The following TSPAN15 variants were observed in gnomAD, a reference collection of about 807,000 sequenced individuals.
The protein encoded by TSPAN15 is tetraspanin-15.
A neutral mutation model predicts 34.5 loss-of-function variants in TSPAN15; 20 were observed. The observed-to-expected ratio is 0.58, with a 90% CI of 0.41 to 0.84. TSPAN15 has a LOEUF of 0.84. TSPAN15 is among the 40% of genes least tolerant of loss of function. The probability of loss-of-function intolerance (pLI) is 0.00; values close to 1 mark genes in which losing one functional copy is unlikely to be tolerated. For missense variants in TSPAN15, 313 were observed against 386.1 expected (o/e 0.81, Z 1.59); for synonymous variants, 155 against 153.9 (o/e 1.01, Z -0.05).
rs1160405365 is a variant in TSPAN15 at position 69,505,997 on chromosome 10, A to T, written c.619-127A>T. On this transcript the variant is annotated intron_variant, in intron 6 of 7. Coordinates refer to ENST00000373290, the MANE Select transcript of TSPAN15 (RefSeq NM_012339.5). The stretch of plus-strand genomic sequence containing the variant: ...ATCTAGGGTCACCTTCTCATGCTGC[A>T]TATGGGAAACTGAGGATCACAGCGG... 6 of 700,908 alleles carry T rather than the reference A, an allele frequency of 8.6e-6. No homozygotes were observed. The African/African-American group carries it at 1.1e-4, about 12-fold the overall frequency. The allele number at this position is 700,908 out of a possible 1,614,324, so 43.4% of individuals were successfully genotyped here. A position where few individuals can be genotyped will look rare whatever the true frequency, so the allele number is the denominator to read the frequency against.
intron 1 of TSPAN15, among the ~76,000 whole-genome samples, chr10:69,462,243 C>T (rs1361677904): frequency 2.0e-5 from 3 of 146,368 alleles, no homozygotes; most frequent in Middle Eastern, 3.8e-3. Flanking sequence ...TTAAGTGATC[C>T]ACCTGCTTCC....
At chr10:69,471,454 C>T (rs983497089) in intron 1 of TSPAN15, among the ~76,000 whole-genome samples, 1 of 152,146 alleles carries the variant, frequency 6.6e-6, no homozygotes, top group Non-Finnish European at 1.5e-5. Context: ...ACATGCAGAG[C>T]CCACGCCACT....
the TSPAN15 span, among the ~76,000 whole-genome samples, chr10:69,514,691 G>A: frequency 6.6e-6 from 1 of 152,094 alleles, no homozygotes; most frequent in Non-Finnish European, 1.5e-5. Context: ...CTTATTCCTG[G>A]ATATTGACAA....
intron 1 of TSPAN15, among the ~76,000 whole-genome samples, chr10:69,455,626 C>CTCTCT (rs1491105874): frequency 8.9e-5 from 4 of 45,094 alleles, no homozygotes; most frequent in African/African-American, 3.3e-4. Context: ...CTCTCTCTCT[C>CTCTCT]CCCCCCCCGT....
intron 3 of TSPAN15, among the ~76,000 whole-genome samples, chr10:69,493,368 C>G (rs1163762490): frequency 6.6e-6 from 1 of 152,170 alleles, no homozygotes; most frequent in African/African-American, 2.4e-5. Context: ...TTGGGGCTGA[C>G]TCCAGTCTTC....
the TSPAN15 span, among the ~76,000 whole-genome samples, chr10:69,536,712 T>C: frequency 6.6e-6 from 1 of 152,096 alleles, no homozygotes; most frequent in Admixed American, 6.6e-5. Context: ...TGGTCGGGCA[T>C]GGTGGCTCGT....
At position 69,507,264 on chromosome 10, in the gene TSPAN15, G is replaced by T; in HGVS notation, c.*286G>T. 3 of 1,337,712 alleles carry T rather than the reference G, an allele frequency of 2.2e-6. No homozygotes were observed. The highest frequency in any genetic ancestry group is 2.9e-6 in the Non-Finnish European group (3 of 1,042,254). 82.9% of individuals were successfully genotyped at this position (1,337,712 alleles called of 1,614,324 possible). ...CCAGGCCTGGGCTACGGGGGAGGGA[G>T]AGCCTGAGGCTCTGCTCAGGGCCCA... On this transcript the variant is annotated 3_prime_UTR_variant, in exon 8 of 8. Transcript: ENST00000373290.
chr10:69,495,766 G>T, intron 4 of TSPAN15, 77 bp downstream of exon 4: 1 of 1,035,514 alleles, frequency 9.7e-7, no homozygotes, highest in South Asian at 1.3e-5. Flanking sequence ...TCAAGAAGAT[G>T]GGGTGAGGGA....
At chr10:69,547,401 G>A in the TSPAN15 span, among the ~76,000 whole-genome samples, 1 of 152,204 alleles carries the variant, frequency 6.6e-6, no homozygotes, top group African/African-American at 2.4e-5. Context: ...TGCTGGGAGA[G>A]ATAAACATGA....
At chr10:69,486,146 C>T (rs7895353) in intron 3 of TSPAN15, among the ~76,000 whole-genome samples, 68,391 of 152,130 alleles carry the variant, frequency 0.45, 15,841 homozygotes, top group African/African-American at 0.52. Context: ...GGACTGGGCA[C>T]GGTTCTGGCA....
chr10:69,500,934 G>C (rs905886654), intron 5 of TSPAN15, among the ~76,000 whole-genome samples: 5 of 152,122 alleles, frequency 3.3e-5, no homozygotes, highest in African/African-American at 1.2e-4. Context: ...CTTGGAGCTG[G>C]GTGGTGGTGG....
At chr10:69,484,063 A>T (rs940681403) in intron 2 of TSPAN15, 187 bp downstream of exon 2, 2 of 542,388 alleles carry the variant, frequency 3.7e-6, no homozygotes, top group Non-Finnish European at 6.4e-6. Context: ...TCCTGCATGT[A>T]AAAGCTGATT....
At chr10:69,489,817 G>A (rs1841931208) in intron 3 of TSPAN15, among the ~76,000 whole-genome samples, 1 of 152,248 alleles carries the variant, frequency 6.6e-6, no homozygotes, top group Non-Finnish European at 1.5e-5. Context: ...CAGCCCTTAG[G>A]AGCAGGAGAA....
intron 1 of TSPAN15, among the ~76,000 whole-genome samples, chr10:69,457,475 G>A (rs1020224748): frequency 2.0e-5 from 3 of 152,158 alleles, no homozygotes; most frequent in Admixed American, 1.3e-4. Flanking sequence ...CTTTCAAGTG[G>A]GTAAAGGTGT....
chr10:69,546,331 A>G, the TSPAN15 span, among the ~76,000 whole-genome samples: 4 of 152,168 alleles, frequency 2.6e-5, no homozygotes, highest in Non-Finnish European at 5.9e-5. Flanking sequence ...TACCCCTTGA[A>G]TGTGCCTGGG....
intron 3 of TSPAN15, among the ~76,000 whole-genome samples, chr10:69,492,262 G>A (rs1265083213): frequency 1.3e-5 from 2 of 152,062 alleles, no homozygotes; most frequent in Admixed American, 6.6e-5. Flanking sequence ...CTGGTCTCTC[G>A]GAACATTACC....
the TSPAN15 span, among the ~76,000 whole-genome samples, chr10:69,515,658 A>C: frequency 6.6e-6 from 1 of 152,196 alleles, no homozygotes; most frequent in African/African-American, 2.4e-5. Context: ...GCACCTGGAA[A>C]TATTATGGGG....
In TSPAN15 at chr10:69,495,660, A is replaced by G. The variant is rs1842064249; in HGVS notation, c.424A>G (p.Lys142Glu). The G allele has an allele frequency of 1.2e-6, 2 of 1,613,786 alleles. No individual in the cohort carries two copies. The highest frequency in any genetic ancestry group is 1.1e-5 in the South Asian group (1 of 91,074). ...GAACTACTATGATGATCTGGACTTC[A>G]AAAACATCATGGACTTTGTTCAGAA... ...IENYYDDLDF[K>E]NIMDFVQKKF... is the part of the protein sequence containing the mutation. Residue 142 changes from lysine (K) to glutamate (E), a missense_variant, in exon 4 of 8, where the codon AAA (lysine) becomes GAA (glutamate). Transcript: ENST00000373290.
intron 1 of TSPAN15, among the ~76,000 whole-genome samples, chr10:69,454,328 G>A (rs545016390): frequency 8.5e-5 from 13 of 152,192 alleles, no homozygotes; most frequent in African/African-American, 3.1e-4. Flanking sequence ...GACCAGCCTG[G>A]CTAACATGGT....
Sources: allele counts gnomAD v4.1 joint callset (sites outside exome capture counted in the v4.1 genomes callset), GRCh38; gene constraint gnomAD v4.1.1; transcripts MANE v1.5; gene names NCBI Gene and HGNC (gene_info 2026-07-23, HGNC 2026-07-21).